The following OR1J2 variants were observed in gnomAD, a reference collection of about 807,000 sequenced individuals.
OR1J2 encodes olfactory receptor 1J2.
For missense variants in OR1J2, 304 were observed against 246.1 expected, an observed-to-expected ratio of 1.24 and a Z score of -1.57; for synonymous variants, 142 against 99.7, an observed-to-expected ratio of 1.42 and a Z score of -2.52.
the OR1J2 span, chr9:122,553,941 T>A: frequency 6.2e-7 from 1 of 1,613,806 alleles, no homozygotes; most frequent in East Asian, 2.2e-5. Flanking sequence ...CTTCTCTACC[T>A]GTGGTTCTCA....
At chr9:122,557,787 A>C in the OR1J2 span, among the ~76,000 whole-genome samples, 1 of 152,082 alleles carries the variant, frequency 6.6e-6, no homozygotes, top group African/African-American at 2.4e-5. Context: ...GAGAATTGGC[A>C]TACATTCTTC....
the OR1J2 span, among the ~76,000 whole-genome samples, chr9:122,451,639 G>A: frequency 6.6e-6 from 1 of 152,050 alleles, no homozygotes; most frequent in South Asian, 2.1e-4. Context: ...TTTTTATTCT[G>A]GCAACCATTT....
At chr9:122,532,714 G>T in the OR1J2 span, among the ~76,000 whole-genome samples, 81 of 152,204 alleles carry the variant, frequency 5.3e-4, no homozygotes, top group African/African-American at 1.7e-3. Context: ...TATTAGGGCG[G>T]CAGCAGCCGC....
the OR1J2 span, among the ~76,000 whole-genome samples, chr9:122,571,542 T>G: frequency 1.2e-5 from 1 of 81,378 alleles, no homozygotes. Context: ...AGAGCCAGAC[T>G]GTCTCAAAAA....
At chr9:122,512,068 C>T (rs2119382364), downstream of OR1J2, among the ~76,000 whole-genome samples, 1 of 152,246 alleles carries the variant, frequency 6.6e-6, no homozygotes, top group South Asian at 2.1e-4. Flanking sequence ...GGCCTATAAT[C>T]CCAGGCTTTA....
At chr9:122,552,039 A>ACCCTCTCTCTCTCTCT in the OR1J2 span, among the ~76,000 whole-genome samples, 1 of 89,386 alleles carries the variant, frequency 1.1e-5, no homozygotes, top group African/African-American at 5.0e-5. Context: ...GGACACATAC[A>ACCCTCTCTCTCTCTCT]CACACACACA....
At chr9:122,496,974 A>G in the OR1J2 span, among the ~76,000 whole-genome samples, 4 of 152,218 alleles carry the variant, frequency 2.6e-5, no homozygotes, top group South Asian at 8.3e-4. Context: ...CCGGCAGGTG[A>G]GAAAGACTCA....
the OR1J2 span, chr9:122,567,959 A>G: frequency 2.5e-6 from 4 of 1,614,086 alleles, no homozygotes; most frequent in African/African-American, 4.0e-5. Flanking sequence ...GGTGGATAAC[A>G]TTGGAGTCAC....
chr9:122,565,282 A>T, the OR1J2 span, among the ~76,000 whole-genome samples: 86 of 152,346 alleles, frequency 5.6e-4, 1 homozygote, highest in East Asian at 0.015. Context: ...TGAATGGGCA[A>T]AGATATGAAG....
chr9:122,509,008 A>G (rs144376068), upstream of OR1J2, among the ~76,000 whole-genome samples: 385 of 152,302 alleles, frequency 2.5e-3, 5 homozygotes, highest in Admixed American at 0.017. Flanking sequence ...CAACAACATA[A>G]CATCTTCGAA....
the OR1J2 span, among the ~76,000 whole-genome samples, chr9:122,523,470 C>G: frequency 2.6e-5 from 4 of 151,994 alleles, no homozygotes; most frequent in East Asian, 7.7e-4. Flanking sequence ...GGGTAACCAA[C>G]GTGTGAGATG....
At chr9:122,458,419 A>T in the OR1J2 span, among the ~76,000 whole-genome samples, 9 of 152,220 alleles carry the variant, frequency 5.9e-5, no homozygotes, top group African/African-American at 2.2e-4. Flanking sequence ...TAATTCTCAC[A>T]GTGCTAATAA....
the OR1J2 span, among the ~76,000 whole-genome samples, chr9:122,488,081 C>T: frequency 6.6e-6 from 1 of 152,076 alleles, no homozygotes; most frequent in Non-Finnish European, 1.5e-5. Context: ...TGTTGCCTCC[C>T]TTATATTAGT....
At chr9:122,522,117 C>G in the OR1J2 span, among the ~76,000 whole-genome samples, 1 of 152,208 alleles carries the variant, frequency 6.6e-6, no homozygotes, top group Non-Finnish European at 1.5e-5. Flanking sequence ...GCATTTCCCT[C>G]TAGCCATGCC....
the OR1J2 span, among the ~76,000 whole-genome samples, chr9:122,468,524 C>T: frequency 6.6e-6 from 1 of 152,042 alleles, no homozygotes; most frequent in Non-Finnish European, 1.5e-5. Flanking sequence ...TAATTCTAAT[C>T]ATAAACTCTT....
the OR1J2 span, among the ~76,000 whole-genome samples, chr9:122,461,415 A>G: frequency 1.3e-5 from 2 of 149,206 alleles, no homozygotes; most frequent in African/African-American, 2.5e-5. Context: ...TTTCAATTTC[A>G]TTTAGTTCTG....
the OR1J2 span, among the ~76,000 whole-genome samples, chr9:122,566,832 G>A: frequency 0.27 from 41,406 of 152,010 alleles, 5,833 homozygotes; most frequent in Middle Eastern, 0.34. Context: ...ATAGTTTATG[G>A]GAAGGTGAAC....
At chr9:122,456,434 G>A in the OR1J2 span, among the ~76,000 whole-genome samples, 2 of 152,108 alleles carry the variant, frequency 1.3e-5, no homozygotes, top group Non-Finnish European at 2.9e-5. Context: ...CAAGACAGGG[G>A]AACAGTTTTT....
the OR1J2 span, among the ~76,000 whole-genome samples, chr9:122,449,654 C>T: frequency 6.6e-5 from 10 of 152,308 alleles, no homozygotes; most frequent in Non-Finnish European, 1.2e-4. Flanking sequence ...CAGGCATGAG[C>T]CACCGCGCCC....
Sources: allele counts gnomAD v4.1 joint callset (sites outside exome capture counted in the v4.1 genomes callset), GRCh38; gene constraint gnomAD v4.1.1; transcripts MANE v1.5; gene names NCBI Gene and HGNC (gene_info 2026-07-23, HGNC 2026-07-21).